Variants in GNA12 observed in about 807,000 individuals in gnomAD.
GNA12 encodes the protein G protein subunit alpha 12, also known as guanine nucleotide-binding protein subunit alpha-12.
Under a neutral mutation model 26.0 loss-of-function variants are expected in GNA12, and 9 were observed. The ratio of observed to expected loss-of-function variants is 0.35; its 90% confidence interval spans 0.21 to 0.60. GNA12 has a LOEUF of 0.60. Among genes scored for constraint, GNA12 ranks in the 20% least tolerant of loss-of-function variants. GNA12 has a pLI of 0.78. For synonymous variants in GNA12, 264 were observed against 219.6 expected, an observed-to-expected ratio of 1.20 and a Z score of -1.79; for missense variants, 405 against 525.8, an observed-to-expected ratio of 0.77 and a Z score of 2.25.
At chr7:2,788,606 G>A (rs569040617) in intron 2 of GNA12, among the ~76,000 whole-genome samples, 3 of 152,310 alleles carry the variant, frequency 2.0e-5, no homozygotes, top group African/African-American at 4.8e-5. Context: ...AGATGCTACC[G>A]GCCTGCTCAC....
chr7:2,821,258 G>A (rs1172700217), intron 1 of GNA12, among the ~76,000 whole-genome samples: 1 of 152,192 alleles, frequency 6.6e-6, no homozygotes, highest in Admixed American at 6.5e-5. Context: ...TATCCTGAGG[G>A]GAGACTCTCC....
chr7:2,830,513 G>C (rs1793579480), intron 1 of GNA12, among the ~76,000 whole-genome samples: 1 of 152,218 alleles, frequency 6.6e-6, no homozygotes, highest in Admixed American at 6.5e-5. Flanking sequence ...CTCCCAAAGA[G>C]AGAACCTGGA....
At chr7:2,823,412 G>C (rs1583309913) in intron 1 of GNA12, among the ~76,000 whole-genome samples, 1 of 152,184 alleles carries the variant, frequency 6.6e-6, no homozygotes, top group Non-Finnish European at 1.5e-5. Flanking sequence ...ATATGCAGGA[G>C]GAGTGCTTGG....
chr7:2,752,498 G>A (rs1483401865), intron 2 of GNA12, among the ~76,000 whole-genome samples: 1 of 152,154 alleles, frequency 6.6e-6, no homozygotes, highest in Non-Finnish European at 1.5e-5. Context: ...GGACTGGAAA[G>A]CAAGAAATAA....
intron 2 of GNA12, among the ~76,000 whole-genome samples, chr7:2,783,980 T>C (rs1404240741): frequency 6.6e-6 from 1 of 152,112 alleles, no homozygotes; most frequent in Non-Finnish European, 1.5e-5. Context: ...CCACCATGCC[T>C]GGCCTAATAA....
chr7:2,813,822 C>A (rs1420354591), intron 1 of GNA12, among the ~76,000 whole-genome samples: 1 of 152,124 alleles, frequency 6.6e-6, no homozygotes, highest in East Asian at 1.9e-4. Flanking sequence ...AACTGGGCCA[C>A]AGGGTGCCTG....
At chr7:2,810,468 A>C (rs1490062693) in intron 1 of GNA12, among the ~76,000 whole-genome samples, 2 of 152,216 alleles carry the variant, frequency 1.3e-5, no homozygotes, top group Non-Finnish European at 2.9e-5. Flanking sequence ...AATGAGTAAA[A>C]TAATAACAGT....
intron 2 of GNA12, among the ~76,000 whole-genome samples, chr7:2,763,661 C>G (rs1249276556): frequency 1.3e-5 from 2 of 152,246 alleles, no homozygotes; most frequent in East Asian, 3.8e-4. Flanking sequence ...GGACAAGCAT[C>G]TAAGGAAGAT....
At chr7:2,778,605 TTCCTCCTATA>T (rs1410173309) in intron 2 of GNA12, among the ~76,000 whole-genome samples, 2 of 152,290 alleles carry the variant, frequency 1.3e-5, no homozygotes, top group Non-Finnish European at 2.9e-5. Flanking sequence ...AAGAAAATCG[TTCCTCCTATA>T]GCTCATAGCC....
intron 2 of GNA12, among the ~76,000 whole-genome samples, chr7:2,780,076 ATATATATATATATATAT>A (rs1792189607): frequency 6.9e-5 from 9 of 130,986 alleles, no homozygotes; most frequent in African/African-American, 2.3e-4. Flanking sequence ...ATATATATAT[ATATATATATATATATAT>A]GCCTGTTTTC....
At chr7:2,737,780 T>C (rs1583213468) in intron 2 of GNA12, among the ~76,000 whole-genome samples, 2 of 152,342 alleles carry the variant, frequency 1.3e-5, no homozygotes, top group East Asian at 1.9e-4. Context: ...CAGCAAACTA[T>C]GCCAAAGGCC....
In GNA12 at chr7:2,814,227, T is replaced by C; in HGVS notation, c.310-19084A>G. 7 of 777,726 alleles carry C rather than the reference T, an allele frequency of 9.0e-6. 1 individual carries two copies. The South Asian group carries it at 9.7e-5, about 11-fold the overall frequency. 48.2% of individuals were successfully genotyped at this position (777,726 alleles called of 1,614,324 possible). ...ATAAATCTCCTTTTATACATCTATG[T>C]ATCCTGTTGGCTGTGCTTCTTTGGA... is the stretch of plus-strand genomic sequence containing the variant. On this transcript the variant is annotated intron_variant, in intron 1 of 3. Coordinates refer to ENST00000275364, the MANE Select transcript of GNA12 (RefSeq NM_007353.3).
At chr7:2,830,082 T>C (rs757774929) in intron 1 of GNA12, among the ~76,000 whole-genome samples, 3 of 152,174 alleles carry the variant, frequency 2.0e-5, no homozygotes, top group Non-Finnish European at 4.4e-5. Context: ...TTTTGAGTGT[T>C]CTCCCCGAAC....
rs1339836711 is a variant in GNA12 at position 2,737,264 on chromosome 7, GTTTTGTTTTGT to G, written c.526-3774_526-3764del. On this transcript the variant is annotated intron_variant, in intron 2 of 3. Transcript: ENST00000275364. ...CTGCCCATTCAGGAGCTATCTCACA[GTTTTGTTTTGT>G]TTTTTTTTTTTTTGTTTTTTTTTTT... Among the ~76,000 whole-genome samples the G allele has an allele frequency of 6.3e-3, 331 of 52,478 alleles. 9 individuals are homozygous for G. The highest frequency in any genetic ancestry group is 0.01 in the Non-Finnish European group (262 of 25,142). 34.4% of individuals were successfully genotyped at this position (52,478 alleles called of 152,430 possible). A position where few individuals can be genotyped will look rare whatever the true frequency, so the allele number is the denominator to read the frequency against.
chr7:2,754,840 C>T (rs561662024), intron 2 of GNA12, among the ~76,000 whole-genome samples: 38 of 152,220 alleles, frequency 2.5e-4, no homozygotes, highest in African/African-American at 8.9e-4. Context: ...ATCACTAGGG[C>T]GTCATGTCTA....
intron 2 of GNA12, among the ~76,000 whole-genome samples, chr7:2,775,964 C>G (rs1336887625): frequency 6.6e-6 from 1 of 152,262 alleles, no homozygotes; most frequent in East Asian, 1.9e-4. Flanking sequence ...GAGACAGAAA[C>G]TGCCGGTGGC....
At chr7:2,842,324 T>C (rs1454486935) in intron 1 of GNA12, among the ~76,000 whole-genome samples, 1 of 111,390 alleles carries the variant, frequency 9.0e-6, no homozygotes, top group Admixed American at 9.3e-5. Flanking sequence ...GTTCTTTTAT[T>C]TTTTTTCACT....
chr7:2,838,410 A>G (rs760335876), intron 1 of GNA12, among the ~76,000 whole-genome samples: 1 of 152,182 alleles, frequency 6.6e-6, no homozygotes, highest in Non-Finnish European at 1.5e-5. Flanking sequence ...AACCCTATCT[A>G]CAAAAAATAA....
intron 2 of GNA12, among the ~76,000 whole-genome samples, chr7:2,742,929 T>C (rs983114571): frequency 6.6e-6 from 1 of 152,236 alleles, no homozygotes; most frequent in African/African-American, 2.4e-5. Context: ...AATAGACCTG[T>C]AGGTTCTTCT....
Sources: gnomAD v4.1 joint callset for allele counts (sites outside exome capture counted in the v4.1 genomes callset) on GRCh38, gnomAD v4.1.1 for gene constraint, MANE v1.5 for transcripts, NCBI Gene and HGNC (gene_info 2026-07-23, HGNC 2026-07-21) for gene names.